Variants in PTPRT observed in about 807,000 individuals in gnomAD.
PTPRT encodes protein tyrosine phosphatase receptor type T, also known as receptor-type tyrosine-protein phosphatase T.
A neutral mutation model predicts 176.8 loss-of-function variants in PTPRT; 56 were observed. The observed-to-expected ratio is 0.32, with a 90% CI of 0.26 to 0.40. PTPRT has a LOEUF of 0.40. Ranked by LOEUF, PTPRT falls within the 10% of genes least tolerant of loss-of-function variation. The pLI is 1.00. For missense variants in PTPRT, 1,540 were observed against 1,908.2 expected (o/e 0.81, Z 3.60); for synonymous variants, 783 against 739.0 (o/e 1.06, Z -0.96).
chr20:43,054,410 C>T (rs986058274), intron 1 of PTPRT, among the ~76,000 whole-genome samples: 2 of 151,938 alleles, frequency 1.3e-5, no homozygotes, highest in African/African-American at 4.8e-5. Flanking sequence ...AAAAATTAGC[C>T]AGGCATGGTG....
At chr20:42,855,429 CTTTTTTTTTTTT>C (rs555034551) in intron 2 of PTPRT, among the ~76,000 whole-genome samples, 1 of 115,686 alleles carries the variant, frequency 8.6e-6, no homozygotes, top group Non-Finnish European at 1.7e-5. Context: ...TATGTTCATG[CTTTTTTTTTTTT>C]TTTTTTTTTT....
chr20:42,869,261 A>G (rs962504159), intron 2 of PTPRT, among the ~76,000 whole-genome samples: 2 of 152,140 alleles, frequency 1.3e-5, no homozygotes, highest in African/African-American at 4.8e-5. Flanking sequence ...TCAGACCTGT[A>G]GAGCCACCAT....
At chr20:42,839,354 G>A (rs2078238244) in intron 2 of PTPRT, among the ~76,000 whole-genome samples, 1 of 150,468 alleles carries the variant, frequency 6.6e-6, no homozygotes, top group African/African-American at 2.4e-5. Context: ...TAGCTCTCAG[G>A]CAAATTGGAA....
intron 13 of PTPRT, among the ~76,000 whole-genome samples, chr20:42,251,320 A>T (rs1182431961): frequency 6.6e-6 from 1 of 152,130 alleles, no homozygotes. Flanking sequence ...GCTTGGTCTA[A>T]TGAGACTCAT....
At chr20:43,156,278 A>G (rs2014521070) in intron 1 of PTPRT, among the ~76,000 whole-genome samples, 1 of 152,214 alleles carries the variant, frequency 6.6e-6, no homozygotes, top group Non-Finnish European at 1.5e-5. Flanking sequence ...GAACCTCAGA[A>G]TTAGGAGCTA....
At chr20:43,125,567 G>A (rs1220637704) in intron 1 of PTPRT, among the ~76,000 whole-genome samples, 2 of 152,184 alleles carry the variant, frequency 1.3e-5, no homozygotes, top group Non-Finnish European at 1.5e-5. Context: ...GACTTGGCTT[G>A]AGCAAAACTT....
chr20:42,373,968 G>C (rs2058620225), intron 9 of PTPRT, among the ~76,000 whole-genome samples: 1 of 152,214 alleles, frequency 6.6e-6, no homozygotes, highest in South Asian at 2.1e-4. Flanking sequence ...AGGGTGCTGG[G>C]GTGGGGTCTG....
chr20:42,909,566 T>C (rs2079519328), intron 1 of PTPRT, among the ~76,000 whole-genome samples: 1 of 152,218 alleles, frequency 6.6e-6, no homozygotes, highest in Admixed American at 6.5e-5. Flanking sequence ...TACAGGGCTT[T>C]GAAATTCTCC....
chr20:42,236,329 G>GTGTCTGTT, intron 14 of PTPRT, 71 bp from the exon 15 acceptor site: 1 of 1,265,686 alleles, frequency 7.9e-7, no homozygotes, highest in Non-Finnish European at 1.1e-6. Flanking sequence ...AAACAAACAA[G>GTGTCTGTT]AATTAGATTT....
At chr20:42,839,693 G>A (rs1326200687) in intron 2 of PTPRT, among the ~76,000 whole-genome samples, 1 of 152,194 alleles carries the variant, frequency 6.6e-6, no homozygotes, top group Non-Finnish European at 1.5e-5. Flanking sequence ...GACATCCCAA[G>A]GTATGGCATA....
intron 22 of PTPRT, 149 bp from the exon 23 acceptor site, chr20:42,110,636 G>A (rs1171171235): frequency 2.7e-6 from 2 of 736,458 alleles, no homozygotes; most frequent in Non-Finnish European, 4.0e-6. Context: ...TGGATAGAGC[G>A]ATTCTGTAAT....
chr20:42,196,181 C>T (rs1373634565), intron 16 of PTPRT, among the ~76,000 whole-genome samples: 1 of 152,144 alleles, frequency 6.6e-6, no homozygotes, highest in Non-Finnish European at 1.5e-5. Context: ...AGAGGCTGGA[C>T]TGGACAGAAA....
At chr20:42,939,645 T>C (rs1980417893) in intron 1 of PTPRT, among the ~76,000 whole-genome samples, 1 of 152,322 alleles carries the variant, frequency 6.6e-6, no homozygotes, top group East Asian at 1.9e-4. Flanking sequence ...GTTCAGGTTC[T>C]CAGCTAAGAG....
intron 7 of PTPRT, among the ~76,000 whole-genome samples, chr20:42,593,403 C>G (rs1425761843): frequency 4.6e-5 from 7 of 152,170 alleles, no homozygotes; most frequent in African/African-American, 1.7e-4. Flanking sequence ...CTCAGTCACT[C>G]TCTAATACCT....
chr20:42,468,878 C>T (rs1000026068), intron 8 of PTPRT, among the ~76,000 whole-genome samples: 1 of 152,196 alleles, frequency 6.6e-6, no homozygotes, highest in African/African-American at 2.4e-5. Flanking sequence ...ATATGAGTCA[C>T]TAAACCATCC....
intron 9 of PTPRT, among the ~76,000 whole-genome samples, chr20:42,361,773 A>T (rs1001129573): frequency 6.6e-6 from 1 of 152,140 alleles, no homozygotes; most frequent in Non-Finnish European, 1.5e-5. Flanking sequence ...GACCCTAGAC[A>T]TTGTGGAGCT....
intron 2 of PTPRT, among the ~76,000 whole-genome samples, chr20:42,820,497 C>A (rs775468803): frequency 5.3e-5 from 8 of 151,938 alleles, no homozygotes; most frequent in Non-Finnish European, 8.8e-5. Context: ...CCTAACATCA[C>A]AATTAAAATA....
chr20:43,090,915 C>G (rs1478833683), intron 1 of PTPRT, among the ~76,000 whole-genome samples: 1 of 152,112 alleles, frequency 6.6e-6, no homozygotes, highest in East Asian at 1.9e-4. Flanking sequence ...AAGTGCCGAA[C>G]AGGATAAATG....
At chr20:43,117,244 A>G (rs2013095155) in intron 1 of PTPRT, among the ~76,000 whole-genome samples, 1 of 152,194 alleles carries the variant, frequency 6.6e-6, no homozygotes, top group African/African-American at 2.4e-5. Flanking sequence ...AATAGGTGTC[A>G]ACTTATGTGG....
Sources: allele counts gnomAD v4.1 joint callset (sites outside exome capture counted in the v4.1 genomes callset), GRCh38; gene constraint gnomAD v4.1.1; transcripts MANE v1.5; gene names NCBI Gene and HGNC (gene_info 2026-07-23, HGNC 2026-07-21).